GPC3: variants seen among roughly 807,000 people sequenced by gnomAD.
The protein encoded by GPC3 is glypican 3.
In GPC3, 3 loss-of-function variants were observed where a neutral mutation model predicts 34.4. That is an observed-to-expected ratio of 0.09 (90% CI 0.04 to 0.23). GPC3 has a LOEUF of 0.23. Ranked by LOEUF, GPC3 falls within the 10% of genes least tolerant of loss-of-function variation. GPC3 has a pLI of 1.00. For synonymous variants in GPC3, 177 were observed against 174.0 expected, an observed-to-expected ratio of 1.02 and a Z score of -0.13; for missense variants, 351 against 445.6, an observed-to-expected ratio of 0.79 and a Z score of 1.91.
At chrX:133,548,404 C>T (rs1035961304) in intron 7 of GPC3, among the ~76,000 whole-genome samples, 1 of 110,946 alleles carries the variant, frequency 9.0e-6, no homozygotes, top group African/African-American at 3.3e-5. Flanking sequence ...CACAATGGAT[C>T]TTACAAAATA....
At chrX:133,838,297 G>T (rs1399624921) in intron 2 of GPC3, among the ~76,000 whole-genome samples, 2 of 111,922 alleles carry the variant, frequency 1.8e-5, no homozygotes, top group Admixed American at 1.9e-4. Flanking sequence ...CCTTTTTAAA[G>T]ATGAAAGGAG....
chrX:133,911,920 G>T (rs1447351174), intron 2 of GPC3, among the ~76,000 whole-genome samples: 1 of 111,804 alleles, frequency 8.9e-6, no homozygotes, highest in Non-Finnish European at 1.9e-5. Context: ...GTAGTATCAA[G>T]TTTAAAATTT....
intron 6 of GPC3, among the ~76,000 whole-genome samples, chrX:133,611,503 C>T (rs752611542): frequency 8.9e-6 from 1 of 111,906 alleles, no homozygotes; most frequent in South Asian, 3.7e-4. Context: ...ATTATTTTCT[C>T]CTATTCATTT....
chrX:133,835,314 G>A (rs1225475154), intron 2 of GPC3, among the ~76,000 whole-genome samples: 1 of 111,777 alleles, frequency 8.9e-6, no homozygotes, highest in Non-Finnish European at 1.9e-5. Flanking sequence ...TATGAGTAGT[G>A]CCTTGAAATG....
At position 133,985,437 on chromosome X, in the gene GPC3, C is replaced by G; in HGVS notation, c.13G>C (p.Val5Leu). Residue 5 changes from valine (V) to leucine (L), a missense_variant, in exon 1 of 8, where the codon GTG becomes CTG. By Grantham distance (32) the Val-to-Leu change is conservative. Transcript: ENST00000370818. ...GCCACCACCAAGCACGCGGTGCGCA[C>G]GGTCCCGGCCATCCTGCTTCGCAGG... MAGT[V>L]RTACLVVAML... The G allele has an allele frequency of 8.5e-7, 1 of 1,171,303 alleles. No individual in the cohort carries two copies. Among genetic ancestry groups the G allele is most frequent in the Non-Finnish European group, 1.1e-6 (1 of 875,321 alleles).
Position 133,560,718 on chromosome X carries a change from G to A in GPC3, c.1574-24425C>T, listed in dbSNP as rs568840839. Among the ~76,000 whole-genome samples the A allele has an allele frequency of 1.8e-3, 157 of 89,158 alleles. No homozygotes were observed. In the South Asian group the frequency reaches 0.036, roughly 20 times the overall value. 77.4% of individuals were successfully genotyped at this position (89,158 alleles called of 115,157 possible). A position where few individuals can be genotyped will look rare whatever the true frequency, so the allele number is the denominator to read the frequency against. On this transcript the variant is annotated intron_variant, in intron 7 of 7. Transcript: ENST00000370818. ...CATGCCACTGCACTCCAAACTGGGC[G>A]ACACAGTGAGACTCTGTCTCAAAAA...
At chrX:133,871,897 G>T (rs1434444068) in intron 2 of GPC3, among the ~76,000 whole-genome samples, 1 of 112,060 alleles carries the variant, frequency 8.9e-6, no homozygotes, top group African/African-American at 3.2e-5. Context: ...CTTCCAGCTT[G>T]CTTAATGCCC....
chrX:133,882,062 T>A (rs962623817), intron 2 of GPC3, among the ~76,000 whole-genome samples: 5 of 112,315 alleles, frequency 4.5e-5, no homozygotes, highest in African/African-American at 1.6e-4. Flanking sequence ...CTTCTTCCTG[T>A]GGAATGTATG....
intron 2 of GPC3, among the ~76,000 whole-genome samples, chrX:133,759,329 T>A (rs185438349): frequency 9.0e-6 from 1 of 111,539 alleles, no homozygotes; most frequent in East Asian, 2.8e-4. Flanking sequence ...AAGAACAAAG[T>A]TGGAGGACTG....
At chrX:133,963,177 T>C (rs2076448981) in intron 1 of GPC3, among the ~76,000 whole-genome samples, 1 of 112,449 alleles carries the variant, frequency 8.9e-6, no homozygotes, top group African/African-American at 3.2e-5. Flanking sequence ...TTGGCCTTTA[T>C]AGCATTGTAT....
intron 6 of GPC3, among the ~76,000 whole-genome samples, chrX:133,602,960 C>T (rs1262755008): frequency 1.8e-5 from 2 of 109,839 alleles, no homozygotes; most frequent in Non-Finnish European, 3.8e-5. Context: ...GCCATAATTC[C>T]CCCAAACACC....
chrX:133,737,962 G>C (rs983042094), intron 3 of GPC3, among the ~76,000 whole-genome samples: 1 of 111,528 alleles, frequency 9.0e-6, no homozygotes, highest in African/African-American at 3.3e-5. Context: ...AAAATGATCT[G>C]ATTCACTTTT....
intron 7 of GPC3, among the ~76,000 whole-genome samples, chrX:133,577,947 T>C (rs928180238): frequency 1.8e-5 from 2 of 111,981 alleles, no homozygotes; most frequent in African/African-American, 6.5e-5. Context: ...TTGATTGTGT[T>C]AGCTCTTCAG....
intron 6 of GPC3, among the ~76,000 whole-genome samples, chrX:133,612,434 C>T (rs1042734503): frequency 1.8e-5 from 2 of 112,059 alleles, no homozygotes; most frequent in Non-Finnish European, 3.8e-5. Flanking sequence ...CCCTCTCTCC[C>T]TCTCTCTCCG....
chrX:133,791,835 TCCTTCCTTCCTTCCTC>T (rs1201116125), intron 2 of GPC3, among the ~76,000 whole-genome samples: 1,110 of 52,744 alleles, frequency 0.021, 21 homozygotes, highest in African/African-American at 0.05. Context: ...CTTCCTTCCT[TCCTTCCTTCCTTCCTC>T]CCTCCCTCCC....
At chrX:133,971,600 A>T (rs191267621) in intron 1 of GPC3, among the ~76,000 whole-genome samples, 10 of 111,647 alleles carry the variant, frequency 9.0e-5, no homozygotes, top group African/African-American at 2.9e-4. Flanking sequence ...GAGAACAAGA[A>T]ACAAAACCAT....
At chrX:133,813,955 C>T (rs2075676909) in intron 2 of GPC3, among the ~76,000 whole-genome samples, 1 of 111,810 alleles carries the variant, frequency 8.9e-6, no homozygotes, top group Non-Finnish European at 1.9e-5. Flanking sequence ...CCCGGATTTC[C>T]AGGAGGGGAT....
chrX:133,929,528 A>T (rs1246946832), intron 2 of GPC3, among the ~76,000 whole-genome samples: 1 of 111,904 alleles, frequency 8.9e-6, no homozygotes, highest in Non-Finnish European at 1.9e-5. Flanking sequence ...TCCTTGCTCC[A>T]TACAAGACAT....
intron 1 of GPC3, among the ~76,000 whole-genome samples, chrX:133,963,714 A>G (rs1019409886): frequency 1.8e-5 from 2 of 111,957 alleles, no homozygotes; most frequent in Non-Finnish European, 3.8e-5. Context: ...AGTCATTGGT[A>G]TACCTTTCTT....
Sources: allele counts gnomAD v4.1 joint callset (sites outside exome capture counted in the v4.1 genomes callset), GRCh38; gene constraint gnomAD v4.1.1; transcripts MANE v1.5; gene names NCBI Gene and HGNC (gene_info 2026-07-23, HGNC 2026-07-21).